GRID2: variants seen among roughly 807,000 people sequenced by gnomAD.
GRID2 encodes the protein glutamate receptor ionotropic, delta-2.
In GRID2, 33 loss-of-function variants were observed where a neutral mutation model predicts 114.8. The observed-to-expected ratio is 0.29, with a 90% CI of 0.22 to 0.38. The LOEUF (loss-of-function observed/expected upper bound fraction) is 0.38. GRID2 is among the 10% of genes least tolerant of loss of function. GRID2 has a pLI of 1.00. For synonymous variants in GRID2, 505 were observed against 449.9 expected, an observed-to-expected ratio of 1.12 and a Z score of -1.55; for missense variants, 1,184 against 1,257.7, an observed-to-expected ratio of 0.94 and a Z score of 0.89.
intron 1 of GRID2, among the ~76,000 whole-genome samples, chr4:92,395,244 A>G (rs755244775): frequency 6.6e-6 from 1 of 151,696 alleles, no homozygotes; most frequent in East Asian, 1.9e-4. Context: ...ATGATTTTGG[A>G]GAATTCATAA....
At chr4:93,559,666 T>C (rs996990218) in intron 13 of GRID2, among the ~76,000 whole-genome samples, 3 of 152,184 alleles carry the variant, frequency 2.0e-5, no homozygotes, top group African/African-American at 7.2e-5. Context: ...TGGAAGACAG[T>C]GTAGTGATTC....
At chr4:92,484,836 T>C (rs1256715125) in intron 1 of GRID2, among the ~76,000 whole-genome samples, 1 of 152,064 alleles carries the variant, frequency 6.6e-6, no homozygotes, top group Non-Finnish European at 1.5e-5. Flanking sequence ...ACTTTTTAGC[T>C]TTGATCTTAA....
chr4:92,565,932 C>A (rs1727313827), intron 1 of GRID2, among the ~76,000 whole-genome samples: 1 of 151,992 alleles, frequency 6.6e-6, no homozygotes, highest in Non-Finnish European at 1.5e-5. Flanking sequence ...AAGTCTGGCA[C>A]TGTGTGGTTC....
At chr4:92,309,536 T>C (rs1304660995) in intron 1 of GRID2, among the ~76,000 whole-genome samples, 2 of 151,846 alleles carry the variant, frequency 1.3e-5, no homozygotes, top group African/African-American at 2.4e-5. Flanking sequence ...TTTTTAGTAC[T>C]ACTTGAAAAC....
chr4:92,906,750 C>T (rs1747990544), intron 2 of GRID2, among the ~76,000 whole-genome samples: 1 of 152,138 alleles, frequency 6.6e-6, no homozygotes. Flanking sequence ...ACACGAGTAG[C>T]TGGGACTACA....
At chr4:92,919,080 A>G (rs973793364) in intron 2 of GRID2, among the ~76,000 whole-genome samples, 3 of 151,934 alleles carry the variant, frequency 2.0e-5, no homozygotes, top group African/African-American at 7.2e-5. Flanking sequence ...TTAGTCTTGG[A>G]AGAGTGTATG....
intron 2 of GRID2, among the ~76,000 whole-genome samples, chr4:93,022,720 CTATT>C (rs1222394928): frequency 3.3e-5 from 5 of 151,784 alleles, no homozygotes; most frequent in African/African-American, 1.2e-4. Context: ...TTATAAGTAT[CTATT>C]TAGTCATTTA....
intron 4 of GRID2, among the ~76,000 whole-genome samples, chr4:93,146,716 TCTTATA>T (rs1253726808): frequency 1.5e-4 from 22 of 149,742 alleles, no homozygotes; most frequent in Middle Eastern, 3.4e-3. Flanking sequence ...AAAAAAAAAA[TCTTATA>T]CTTATAAATA....
At chr4:92,737,769 T>C (rs796976249) in intron 2 of GRID2, among the ~76,000 whole-genome samples, 1 of 152,282 alleles carries the variant, frequency 6.6e-6, no homozygotes, top group Non-Finnish European at 1.5e-5. Context: ...ATTTTGTTTA[T>C]GTAAAATTCA....
At chr4:92,765,631 C>A (rs1738222869) in intron 2 of GRID2, among the ~76,000 whole-genome samples, 1 of 152,048 alleles carries the variant, frequency 6.6e-6, no homozygotes, top group Admixed American at 6.5e-5. Context: ...TGTGATACAG[C>A]CAAATGACTG....
intron 13 of GRID2, among the ~76,000 whole-genome samples, chr4:93,612,274 G>C (rs1178912273): frequency 6.6e-6 from 1 of 150,406 alleles, no homozygotes; most frequent in Non-Finnish European, 1.5e-5. Flanking sequence ...CAACTTGCCA[G>C]TCTGTGTCTT....
intron 2 of GRID2, among the ~76,000 whole-genome samples, chr4:92,996,867 T>G (rs1578707987): frequency 6.6e-6 from 1 of 152,238 alleles, no homozygotes; most frequent in South Asian, 2.1e-4. Flanking sequence ...TGACCCTTTC[T>G]GCTCCTGTCT....
chr4:92,712,991 T>C (rs1002177170), intron 2 of GRID2, among the ~76,000 whole-genome samples: 1 of 151,038 alleles, frequency 6.6e-6, no homozygotes, highest in African/African-American at 2.5e-5. Flanking sequence ...GACTTTTTCT[T>C]TTTTCTTTTT....
intron 9 of GRID2, among the ~76,000 whole-genome samples, chr4:93,407,737 TCCTCCTCC>T (rs1766622804): frequency 8.0e-6 from 1 of 124,890 alleles, no homozygotes; most frequent in South Asian, 3.0e-4. Flanking sequence ...CTCCTCCTCC[TCCTCCTCC>T]TCCTCCTCCT....
chr4:92,958,297 A>G (rs922610700), intron 2 of GRID2, among the ~76,000 whole-genome samples: 1 of 152,038 alleles, frequency 6.6e-6, no homozygotes, highest in African/African-American at 2.4e-5. Flanking sequence ...AGATGTCTTT[A>G]TCAGTTTGAG....
At chr4:93,449,053 C>A (rs972635703) in intron 10 of GRID2, among the ~76,000 whole-genome samples, 1 of 149,980 alleles carries the variant, frequency 6.7e-6, no homozygotes, top group Non-Finnish European at 1.5e-5. Context: ...TTTCTTCAAT[C>A]CTTACTTTCT....
At chr4:93,080,670 A>C (rs941246459) in intron 2 of GRID2, among the ~76,000 whole-genome samples, 8 of 152,098 alleles carry the variant, frequency 5.3e-5, no homozygotes, top group African/African-American at 1.4e-4. Context: ...TGAGGATAGA[A>C]CCTGTCATAT....
At chr4:92,678,433 T>G (rs1733490131) in intron 2 of GRID2, among the ~76,000 whole-genome samples, 2 of 152,100 alleles carry the variant, frequency 1.3e-5, no homozygotes, top group African/African-American at 4.8e-5. Flanking sequence ...AAGGAGTATG[T>G]TAAAGGCCTA....
chr4:92,690,372 C>T (rs1344194812), intron 2 of GRID2, among the ~76,000 whole-genome samples: 2 of 152,092 alleles, frequency 1.3e-5, no homozygotes, highest in Non-Finnish European at 2.9e-5. Context: ...AGGACACAAA[C>T]AACATTTATT....
Sources: allele counts gnomAD v4.1 joint callset (sites outside exome capture counted in the v4.1 genomes callset), GRCh38; gene constraint gnomAD v4.1.1; transcripts MANE v1.5; gene names NCBI Gene and HGNC (gene_info 2026-07-23, HGNC 2026-07-21).